The following CFAP54 variants were observed in gnomAD, a reference collection of about 807,000 sequenced individuals.
The protein encoded by CFAP54 is cilia and flagella associated protein 54.
CFAP54 carries 290 observed loss-of-function variants against 370.4 expected under a neutral mutation model. The observed-to-expected ratio is 0.78, with a 90% CI of 0.71 to 0.86. The LOEUF is 0.86. CFAP54 is among the 40% of genes least tolerant of loss of function. The pLI is 0.00. For synonymous variants in CFAP54, 1,206 were observed against 1,236.5 expected, an observed-to-expected ratio of 0.98 and a Z score of 0.52; for missense variants, 3,399 against 3,528.7, an observed-to-expected ratio of 0.96 and a Z score of 0.93.
At chr12:96,673,729 A>G (rs1193805481) in intron 39 of CFAP54, among the ~76,000 whole-genome samples, 1 of 152,210 alleles carries the variant, frequency 6.6e-6, no homozygotes, top group African/African-American at 2.4e-5. Context: ...GATGGTTTCC[A>G]CACCAGATCG....
At chr12:96,585,889 C>T (rs760493798) in intron 22 of CFAP54, among the ~76,000 whole-genome samples, 40 of 152,270 alleles carry the variant, frequency 2.6e-4, no homozygotes, top group Non-Finnish European at 4.7e-4. Context: ...TATACTTTCT[C>T]TCAAATTTTC....
intron 26 of CFAP54, among the ~76,000 whole-genome samples, chr12:96,617,526 C>A (rs1306709743): frequency 6.6e-6 from 1 of 152,236 alleles, no homozygotes; most frequent in Non-Finnish European, 1.5e-5. Flanking sequence ...ACCTCAAGAA[C>A]ATTCCTGCTG....
chr12:96,797,938 ATTTC>A (rs1177513261), intron 63 of CFAP54, among the ~76,000 whole-genome samples: 1 of 151,378 alleles, frequency 6.6e-6, no homozygotes, highest in Non-Finnish European at 1.5e-5. Context: ...TTTTGGATTG[ATTTC>A]TTTATCATTC....
intron 65 of CFAP54, among the ~76,000 whole-genome samples, chr12:96,819,018 GA>G (rs1356462516): frequency 6.6e-6 from 1 of 152,204 alleles, no homozygotes; most frequent in Non-Finnish European, 1.5e-5. Context: ...TTAAAAGATA[GA>G]TGTACATGGC....
chr12:96,685,644 T>A (rs1197598828), intron 42 of CFAP54, among the ~76,000 whole-genome samples: 1 of 152,030 alleles, frequency 6.6e-6, no homozygotes, highest in East Asian at 1.9e-4. Flanking sequence ...CTCCGTCTCC[T>A]GGGTTCGAGA....
At chr12:96,850,616 C>G (rs904099294) in intron 66 of CFAP54, among the ~76,000 whole-genome samples, 5 of 152,122 alleles carry the variant, frequency 3.3e-5, no homozygotes, top group African/African-American at 9.7e-5. Flanking sequence ...CTTAAAGTCT[C>G]TAGGTCTCAT....
intron 1 of CFAP54, among the ~76,000 whole-genome samples, chr12:96,497,383 C>T (rs956206328): frequency 6.6e-6 from 1 of 152,142 alleles, no homozygotes; most frequent in Non-Finnish European, 1.5e-5. Context: ...AATTTCAAGA[C>T]TTACTATAAA....
intron 17 of CFAP54, 35 bp downstream of exon 17, chr12:96,554,837 C>T (rs937124702): frequency 1.1e-5 from 16 of 1,502,998 alleles, no homozygotes; most frequent in Non-Finnish European, 1.4e-5. Context: ...CATTCTGAAT[C>T]AATTTTAAGC....
At chr12:96,617,032 G>A (rs1956426694) in intron 26 of CFAP54, among the ~76,000 whole-genome samples, 1 of 152,136 alleles carries the variant, frequency 6.6e-6, no homozygotes, top group Non-Finnish European at 1.5e-5. Flanking sequence ...ATAGAATTGA[G>A]AATCTGAAAC....
At chr12:96,870,537 A>G (rs1334402507) in intron 67 of CFAP54, among the ~76,000 whole-genome samples, 1 of 152,228 alleles carries the variant, frequency 6.6e-6, no homozygotes, top group Non-Finnish European at 1.5e-5. Context: ...TACATAAAGC[A>G]CCTAGAACAA....
Position 96,537,769 on chromosome 12 carries a change from G to A in CFAP54, c.1792-615G>A, listed in dbSNP as rs141089251. Among the ~76,000 whole-genome samples the A allele has an allele frequency of 4.5e-3, 685 of 152,144 alleles. 6 individuals carry two copies. The highest frequency in any genetic ancestry group is 0.015 in the African/African-American group (631 of 41,496). ...TTGGGAATTTTCTTTTTAGAGAGGC[G>A]GAAGAGCATAGAGCATTCATTAAGA... On this transcript the variant is annotated intron_variant, in intron 12 of 67. Transcript: ENST00000524981.
At chr12:96,789,956 T>G (rs1374159520) in intron 62 of CFAP54, among the ~76,000 whole-genome samples, 1 of 152,182 alleles carries the variant, frequency 6.6e-6, no homozygotes, top group Non-Finnish European at 1.5e-5. Flanking sequence ...GAACCTTTAA[T>G]CACTCAGGAG....
intron 66 of CFAP54, among the ~76,000 whole-genome samples, chr12:96,844,314 A>G (rs1454630349): frequency 6.6e-6 from 1 of 152,146 alleles, no homozygotes; most frequent in Non-Finnish European, 1.5e-5. Flanking sequence ...AGAAGAGGAG[A>G]CGGCCATGTG....
Position 96,625,658 on chromosome 12 carries a change from A to G in CFAP54, c.3887-60A>G, listed in dbSNP as rs115410313. ...AAGAATTGTTATTGTGAATTACTCA[A>G]AAAATTTGTATTTTGCGTTACTAAA... is the stretch of plus-strand genomic sequence containing the variant. On this transcript the variant is annotated intron_variant, in intron 28 of 67. Coordinates refer to ENST00000524981, the MANE Select transcript of CFAP54 (RefSeq NM_001306084.2). 3,761 of 1,069,344 alleles carry G rather than the reference A, an allele frequency of 3.5e-3. 95 individuals carry two copies. The African/African-American group carries it at 0.052, about 15-fold the overall frequency. 66.2% of individuals were successfully genotyped at this position (1,069,344 alleles called of 1,614,324 possible).
intron 63 of CFAP54, among the ~76,000 whole-genome samples, chr12:96,797,392 C>T (rs1958775993): frequency 6.6e-6 from 1 of 151,898 alleles, no homozygotes; most frequent in African/African-American, 2.4e-5. Flanking sequence ...TTTCGTCTGC[C>T]TTTTTTAAAA....
chr12:96,577,535 A>G (rs1955990454), intron 20 of CFAP54, among the ~76,000 whole-genome samples: 1 of 152,118 alleles, frequency 6.6e-6, no homozygotes, highest in African/African-American at 2.4e-5. Flanking sequence ...AACTTGGTAT[A>G]GTAGAGAGAA....
chr12:96,664,739 C>A (rs796154932), intron 39 of CFAP54, among the ~76,000 whole-genome samples: 296 of 25,506 alleles, frequency 0.012, 8 homozygotes, highest in African/African-American at 0.028. Context: ...ATATATATAT[C>A]TATATATATA....
intron 39 of CFAP54, among the ~76,000 whole-genome samples, chr12:96,668,840 T>A (rs1364616542): frequency 6.6e-6 from 1 of 152,250 alleles, no homozygotes; most frequent in Non-Finnish European, 1.5e-5. Flanking sequence ...ATTCATCTAT[T>A]CATTTTATGT....
At chr12:96,735,968 A>G (rs1350562873) in intron 50 of CFAP54, among the ~76,000 whole-genome samples, 2 of 152,234 alleles carry the variant, frequency 1.3e-5, no homozygotes, top group African/African-American at 2.4e-5. Flanking sequence ...GAATACACTC[A>G]GAAAGCATAA....
Sources: gnomAD v4.1 joint callset for allele counts (sites outside exome capture counted in the v4.1 genomes callset) on GRCh38, gnomAD v4.1.1 for gene constraint, MANE v1.5 for transcripts, NCBI Gene and HGNC (gene_info 2026-07-23, HGNC 2026-07-21) for gene names.